The following MITD1 variants were observed in gnomAD, a reference collection of about 807,000 sequenced individuals.
MITD1 encodes MIT domain-containing protein 1.
MITD1 carries 24 observed loss-of-function variants against 34.9 expected under a neutral mutation model. The ratio of observed to expected loss-of-function variants is 0.69; its 90% CI spans 0.50 to 0.97. The LOEUF (loss-of-function observed/expected upper bound fraction) is 0.97, where lower values mean the gene tolerates loss of function less well. MITD1 is among the 50% of genes least tolerant of loss of function. The pLI, the probability that MITD1 is intolerant of heterozygous loss-of-function variation, is 0.00. For missense variants in MITD1, 266 were observed against 294.6 expected (o/e 0.90, Z 0.71); for synonymous variants, 102 against 101.4 (o/e 1.01, Z -0.04).
chr2:99,165,659 T>A (rs2093823745), downstream of MITD1, among the ~76,000 whole-genome samples: 1 of 152,208 alleles, frequency 6.6e-6, no homozygotes, highest in Non-Finnish European at 1.5e-5. Context: ...CTGGGTCCCC[T>A]TATATGTTTG....
intron 1 of MITD1, among the ~76,000 whole-genome samples, chr2:99,174,576 CATAA>C (rs2093876557): frequency 6.6e-6 from 1 of 151,950 alleles, no homozygotes; most frequent in Admixed American, 6.6e-5. Flanking sequence ...TTATATTTTC[CATAA>C]ATAATCTCAT....
At chr2:99,165,531 A>C (rs1409722922), downstream of MITD1, among the ~76,000 whole-genome samples, 1 of 152,206 alleles carries the variant, frequency 6.6e-6, no homozygotes, top group Non-Finnish European at 1.5e-5. Flanking sequence ...TCTTGGCTTA[A>C]TTTATAAATT....
intron 1 of MITD1, 25 bp from the exon 2 acceptor site, chr2:99,174,041 T>C (rs1380886086): frequency 2.7e-6 from 3 of 1,115,150 alleles, no homozygotes; most frequent in Non-Finnish European, 3.9e-6. Context: ...ATATATATTA[T>C]CAAGTATCAA....
intron 2 of MITD1, chr2:99,173,327 T>C: frequency 2.8e-6 from 1 of 355,028 alleles, no homozygotes; most frequent in South Asian, 2.3e-5. Context: ...AAGTATGCAC[T>C]CAGGTAAGGG....
In MITD1 at chr2:99,169,317, T is replaced by C; in HGVS notation, c.*58A>G. On this transcript the variant is annotated 3_prime_UTR_variant, in exon 7 of 7. Coordinates refer to ENST00000289359, the MANE Select transcript of MITD1 (RefSeq NM_138798.3). ...ATTCATACATTATAAAAGTGATCTT[T>C]TAAAAAAAATCCAATATTCACTTAA... The C allele has an allele frequency of 1.2e-6, 1 of 847,544 alleles. No homozygotes were observed. Among genetic ancestry groups the C allele is most frequent in the South Asian group, 1.6e-5 (1 of 60,806 alleles). 52.5% of individuals were successfully genotyped at this position (847,544 alleles called of 1,614,324 possible).
downstream of MITD1, among the ~76,000 whole-genome samples, chr2:99,165,742 T>C (rs145395277): frequency 6.6e-6 from 1 of 152,324 alleles, no homozygotes; most frequent in Non-Finnish European, 1.5e-5. Context: ...TACTCTTTGC[T>C]GGCCTTCCTT....
At chr2:99,168,742 C>G (rs1370459566), downstream of MITD1, among the ~76,000 whole-genome samples, 1 of 151,970 alleles carries the variant, frequency 6.6e-6, no homozygotes, top group Non-Finnish European at 1.5e-5. Flanking sequence ...ACAAAATTAA[C>G]ATTTTACTTT....
chr2:99,166,319 T>C (rs544649025), downstream of MITD1, among the ~76,000 whole-genome samples: 1 of 152,018 alleles, frequency 6.6e-6, no homozygotes, highest in Non-Finnish European at 1.5e-5. Flanking sequence ...AGTAGCCAAC[T>C]GGGTCAAATG....
intron 1 of MITD1, among the ~76,000 whole-genome samples, chr2:99,175,824 T>A (rs990785947): frequency 6.6e-6 from 1 of 152,234 alleles, no homozygotes; most frequent in Non-Finnish European, 1.5e-5. Flanking sequence ...ATACTATCAT[T>A]TTCCTGCTCA....
chr2:99,175,956 G>A (rs1048427088), intron 1 of MITD1, among the ~76,000 whole-genome samples: 10 of 151,698 alleles, frequency 6.6e-5, no homozygotes, highest in Admixed American at 4.6e-4. Flanking sequence ...ATTTTGTTTC[G>A]CTGAGACACA....
chr2:99,178,601 A>C (rs920152125), intron 1 of MITD1, among the ~76,000 whole-genome samples: 1 of 152,234 alleles, frequency 6.6e-6, no homozygotes, highest in Non-Finnish European at 1.5e-5. Flanking sequence ...GGATGGGGTT[A>C]TAATTTTACA....
chr2:99,162,148 T>G lies in MITD1; in HGVS notation c.*74A>C, dbSNP rs1418556194. The G allele has an allele frequency of 3.1e-6, 5 of 1,614,094 alleles. No homozygotes were observed. The Admixed American group carries it at 8.3e-5, about 27-fold the overall frequency. ...AATCTAGAAGGCAAACCAATTCTAT[T>G]CTTTTGGCAGAATTCTCCCTCTGTT... On this transcript the variant is annotated 3_prime_UTR_variant, in exon 8 of 8. Coordinates refer to the MITD1 transcript ENST00000422537.
At chr2:99,163,594 C>G in intron 7 of MITD1, among the ~76,000 whole-genome samples, 1 of 152,184 alleles carries the variant, frequency 6.6e-6, no homozygotes, top group Non-Finnish European at 1.5e-5. Flanking sequence ...TCCCAAAGTG[C>G]TGGGATTACA....
At chr2:99,162,259 G>C (rs1335516056) in intron 7 of MITD1, 2 of 1,613,242 alleles carry the variant, frequency 1.2e-6, no homozygotes, top group African/African-American at 2.7e-5. Flanking sequence ...CGGAGAAGAA[G>C]TGGAGGAGGA....
chr2:99,162,374 T>C, intron 7 of MITD1: 1 of 1,614,050 alleles, frequency 6.2e-7, no homozygotes, highest in Non-Finnish European at 8.5e-7. Flanking sequence ...CTCTGAATGC[T>C]GTCCAACCCC....
downstream of MITD1, among the ~76,000 whole-genome samples, chr2:99,165,061 C>CACACACATATAT (rs370053233): frequency 3.3e-4 from 45 of 135,280 alleles, no homozygotes; most frequent in South Asian, 9.9e-4. Flanking sequence ...CACACACACA[C>CACACACATATAT]ATATATATAT....
Position 99,171,617 on chromosome 2 carries a change from C to T in MITD1, c.283G>A (p.Glu95Lys). Reference protein sequence around the residue: ...DGKYHKQIKIEENATGFSYES... With the variant: ...DGKYHKQIKIKENATGFSYES... Reference sequence around the variant, plus strand: ...TAACTGAAACCTGTTGCATTCTCTTCTATTTTAATTTGCTTGTGATATTTT... The same window carrying T: ...TAACTGAAACCTGTTGCATTCTCTTTTATTTTAATTTGCTTGTGATATTTT... Residue 95 changes from glutamate (E) to lysine (K), a missense_variant, in exon 3 of 7, where the codon GAA (glutamate) becomes AAA (lysine). Coordinates refer to ENST00000289359, the MANE Select transcript of MITD1 (RefSeq NM_138798.3). The T allele has an allele frequency of 6.2e-7, 1 of 1,613,386 alleles. No homozygotes were observed. The highest frequency in any genetic ancestry group is 8.5e-7 in the Non-Finnish European group (1 of 1,179,652).
At chr2:99,162,250 G>C (rs374470630) in intron 7 of MITD1, 1 of 1,613,434 alleles carries the variant, frequency 6.2e-7, no homozygotes, top group South Asian at 1.1e-5. Context: ...AAACTGGCTC[G>C]GAGAAGAAGT....
chr2:99,167,055 C>T (rs1255137135), downstream of MITD1, among the ~76,000 whole-genome samples: 1 of 151,618 alleles, frequency 6.6e-6, no homozygotes, highest in Non-Finnish European at 1.5e-5. Context: ...AAAATGTCAC[C>T]TTTATTACAT....
Sources: allele counts gnomAD v4.1 joint callset (sites outside exome capture counted in the v4.1 genomes callset), GRCh38; gene constraint gnomAD v4.1.1; transcripts MANE v1.5; gene names NCBI Gene and HGNC (gene_info 2026-07-23, HGNC 2026-07-21).